Variants in HACL1 observed in about 807,000 individuals in gnomAD.
HACL1 encodes the protein 2-hydroxyacyl-CoA lyase 1, also known as 1600020H07Rik.
In HACL1, 64 loss-of-function variants were observed where a neutral mutation model predicts 74.2. The ratio of observed to expected loss-of-function variants is 0.86; its 90% CI spans 0.70 to 1.06. The LOEUF (loss-of-function observed/expected upper bound fraction) is 1.06, where lower values mean the gene tolerates loss of function less well. HACL1 is among the 50% of genes least tolerant of loss of function. HACL1 has a pLI of 0.00. For missense variants in HACL1, 728 were observed against 719.7 expected (o/e 1.01, Z -0.13); for synonymous variants, 230 against 238.8 (o/e 0.96, Z 0.34).
chr3:15,585,010 C>T (rs751932664), intron 7 of HACL1, among the ~76,000 whole-genome samples: 1 of 152,068 alleles, frequency 6.6e-6, no homozygotes, highest in Non-Finnish European at 1.5e-5. Flanking sequence ...ATATTTTCAA[C>T]GAGGAGTTCA....
Position 15,571,656 on chromosome 3 carries a change from G to C in HACL1, c.1095+12C>G, listed in dbSNP as rs770843159. 9.0e-7 allele frequency: 1 copy of C among 1,108,402 alleles called. No homozygotes were observed. Among genetic ancestry groups the C allele is most frequent in the South Asian group, 1.2e-5 (1 of 80,416 alleles). The allele number at this position is 1,108,402 out of a possible 1,614,324, so 68.7% of individuals were successfully genotyped here. On this transcript the variant is annotated intron_variant, in intron 12 of 16. Coordinates refer to ENST00000321169, the MANE Select transcript of HACL1 (RefSeq NM_012260.4). The stretch of plus-strand genomic sequence containing the variant: ...CTGACCTGTTATTGAGCGTCAGTAG[G>C]TCCGATTTTACCTTGGATGCAGCTT...
At chr3:15,586,657 T>C (rs1462136876) in intron 5 of HACL1, 55 bp from the exon 6 acceptor site, 11 of 963,714 alleles carry the variant, frequency 1.1e-5, no homozygotes, top group Non-Finnish European at 1.5e-5. Context: ...GTTACTCTCC[T>C]GAAAGAAGAC....
chr3:15,585,264 T>G lies in HACL1; in HGVS notation c.538A>C (p.Asn180His). Residue 180 changes from asparagine to histidine, a missense_variant, in exon 7 of 17, where the codon AAT becomes CAT. Asn to His is a moderately conservative substitution (Grantham distance 68, BLOSUM62 1). Transcript: ENST00000321169. ...ATTACTCACTTTATAGAATTCACAT[T>G]CACCTGAAGGTTCACAAAATCTGCT... is the stretch of plus-strand genomic sequence containing the variant. ...IPADFVNLQV[N>H]VNSIKYMERC... is the part of the protein sequence containing the mutation. The G allele has an allele frequency of 6.4e-7, 1 of 1,561,480 alleles. No individual in the cohort carries two copies. Among genetic ancestry groups the G allele is most frequent in the Non-Finnish European group, 8.8e-7 (1 of 1,132,136 alleles).
At chr3:15,599,642 C>A (rs530264807) in intron 2 of HACL1, among the ~76,000 whole-genome samples, 7 of 152,336 alleles carry the variant, frequency 4.6e-5, no homozygotes, top group African/African-American at 1.7e-4. Context: ...CCTCTACAGG[C>A]AATCTTCTCT....
At chr3:15,583,091 C>G (rs780754204) in intron 7 of HACL1, 102 bp from the exon 8 acceptor site, 9 of 613,678 alleles carry the variant, frequency 1.5e-5, no homozygotes, top group Non-Finnish European at 2.3e-5. Flanking sequence ...TACAATAAAT[C>G]TCCATACACC....
chr3:15,571,596 T>A, intron 12 of HACL1, 72 bp downstream of exon 12: 1 of 794,594 alleles, frequency 1.3e-6, no homozygotes, highest in Non-Finnish European at 2.3e-6. Flanking sequence ...GGAATGCACA[T>A]GTCACATTAC....
At chr3:15,571,536 T>C in intron 12 of HACL1, 132 bp downstream of exon 12, 1 of 677,278 alleles carries the variant, frequency 1.5e-6, no homozygotes, top group East Asian at 2.7e-5. Context: ...CCTTTTTCCA[T>C]GAGACCTGGG....
At position 15,563,454 on chromosome 3, in the gene HACL1, T is replaced by C. The variant is rs373765837; in HGVS notation, c.1608A>G (p.Glu536=). 2.2e-5 allele frequency: 36 copies of C among 1,610,632 alleles called. No homozygotes were observed. The highest frequency in any genetic ancestry group is 2.9e-5 in the Non-Finnish European group (34 of 1,176,974). Residue 536 remains glutamate (E), a synonymous_variant, in exon 16 of 17, where the codon GAA becomes GAG. Transcript: ENST00000321169. The part of the protein sequence containing the change: ...GGKGYFVQTP[E]ELQKSLRQSL... ...TCTGCCTCAGGGATTTTTGGAGTTC[T>C]TCTGGTGTTTGTACAAAATACCCTT...
chr3:15,588,735 G>A (rs886459780), intron 5 of HACL1, among the ~76,000 whole-genome samples: 2 of 151,348 alleles, frequency 1.3e-5, no homozygotes, highest in African/African-American at 4.8e-5. Context: ...ATACAGTTAC[G>A]AACCACGTGT....
rs753610199 is a variant in HACL1, at chr3:15,601,133, T to G, written c.143A>C (p.Gln48Pro). Residue 48 changes from glutamine to proline, a missense_variant, in exon 2 of 17, where the codon CAG (glutamine) becomes CCG (proline). Coordinates refer to ENST00000321169, the MANE Select transcript of HACL1 (RefSeq NM_012260.4). ...IPVTEIAIAA[Q>P]QLGIKYIGMR... ...CCCGATGTACTTGATGCCTAGCTGC[T>G]GGGCAGCAATGGCGATTTCGGTCAC... is the stretch of plus-strand genomic sequence containing the variant. 1 of 1,613,850 alleles carries G rather than the reference T, an allele frequency of 6.2e-7. No individual in the cohort carries two copies. Among genetic ancestry groups the G allele is most frequent in the South Asian group, 1.1e-5 (1 of 91,084 alleles).
chr3:15,568,535 G>A lies in HACL1; in HGVS notation c.1147C>T (p.His383Tyr). 1.3e-6 allele frequency: 2 copies of A among 1,582,882 alleles called. No individual in the cohort carries two copies. Among genetic ancestry groups the A allele is most frequent in the Non-Finnish European group, 1.7e-6 (2 of 1,152,780 alleles). ...LPMNYYTVFY[H>Y]VQEQLPRDCF... ...TCTCTAGGTAGTTGTTCTTGAACAT[G>A]GTAGAATACTGTGTAATAATTCATA... Residue 383 changes from histidine (H) to tyrosine (Y), a missense_variant, in exon 13 of 17, where the codon CAT (histidine) becomes TAT (tyrosine). Coordinates refer to ENST00000321169, the MANE Select transcript of HACL1 (RefSeq NM_012260.4).
At chr3:15,600,814 A>T (rs1291225630) in intron 2 of HACL1, 1 of 534,312 alleles carries the variant, frequency 1.9e-6, no homozygotes, top group Non-Finnish European at 3.4e-6. Context: ...GACATACAGT[A>T]TAGTAGTAAG....
At chr3:15,566,699 T>C (rs569879097) in intron 14 of HACL1, among the ~76,000 whole-genome samples, 28 of 150,268 alleles carry the variant, frequency 1.9e-4, no homozygotes, top group African/African-American at 6.4e-4. Context: ...TTTTTCATAA[T>C]CATCTTTCTA....
rs559312155 is a variant in HACL1, at chr3:15,598,896, T to C, written c.186+2194A>G. ...ACATCTCAAATGCATGTGTTCAAAATTGAACATCACCTTTCTCCTCCAAGC... is the reference window on the plus strand; with the variant it reads ...ACATCTCAAATGCATGTGTTCAAAACTGAACATCACCTTTCTCCTCCAAGC... On this transcript the variant is annotated intron_variant, in intron 2 of 16. Transcript: ENST00000321169. Among the ~76,000 whole-genome samples the C allele has an allele frequency of 3.9e-5, 6 of 152,340 alleles. No homozygotes were observed. The East Asian group carries it at 5.8e-4, about 15-fold the overall frequency.
chr3:15,593,910 G>A (rs934842696), intron 3 of HACL1, among the ~76,000 whole-genome samples: 15 of 148,132 alleles, frequency 1.0e-4, no homozygotes, highest in Middle Eastern at 3.9e-3. Flanking sequence ...TGATTCTCCT[G>A]CCTCAGCCTC....
At chr3:15,597,901 G>A (rs1416490004) in intron 2 of HACL1, among the ~76,000 whole-genome samples, 1 of 152,144 alleles carries the variant, frequency 6.6e-6, no homozygotes, top group Non-Finnish European at 1.5e-5. Flanking sequence ...AGCTAGGTAA[G>A]AAATGTTGCT....
intron 10 of HACL1, among the ~76,000 whole-genome samples, chr3:15,574,251 C>A (rs1358843497): frequency 6.6e-6 from 1 of 152,098 alleles, no homozygotes; most frequent in South Asian, 2.1e-4. Flanking sequence ...GTCTATAGTC[C>A]CAGCATGTCA....
At chr3:15,578,478 C>T (rs527463031) in intron 9 of HACL1, among the ~76,000 whole-genome samples, 127 of 152,284 alleles carry the variant, frequency 8.3e-4, no homozygotes, top group African/African-American at 3.0e-3. Flanking sequence ...AGGTATTTCT[C>T]CCCCGTGTTT....
chr3:15,589,738 G>A, intron 4 of HACL1, 126 bp from the exon 5 acceptor site: 3 of 699,128 alleles, frequency 4.3e-6, no homozygotes, highest in Non-Finnish European at 7.3e-6. Flanking sequence ...TTTTTTCTTA[G>A]AAACTGTAGA....
Sources: gnomAD v4.1 joint callset for allele counts (sites outside exome capture counted in the v4.1 genomes callset) on GRCh38, gnomAD v4.1.1 for gene constraint, MANE v1.5 for transcripts, NCBI Gene and HGNC (gene_info 2026-07-23, HGNC 2026-07-21) for gene names.